The following TEX50 variants were observed in gnomAD, a reference collection of about 807,000 sequenced individuals.
TEX50 encodes the protein testis expressed 50.
TEX50 carries 3 observed loss-of-function variants against 9.8 expected under a neutral mutation model. The observed-to-expected ratio is 0.31, with a 90% CI of 0.14 to 0.79. TEX50 has a LOEUF of 0.79. TEX50 is among the 30% of genes least tolerant of loss of function. The pLI is 0.63. For missense variants in TEX50, 164 were observed against 199.3 expected, an observed-to-expected ratio of 0.82 and a Z score of 1.07; for synonymous variants, 61 against 72.1, an observed-to-expected ratio of 0.85 and a Z score of 0.78.
rs1668471231 is a variant in TEX50, at chr1:173,636,904, CCA to C, written c.405_406del (p.His135GlnfsTer23). ...TGATCAACAACATTGACCAAACACTCCACAGAGTGGCAACCACAGCATCAGTG... is the reference window on the plus strand; with the variant it reads ...TGATCAACAACATTGACCAAACACTCCAGAGTGGCAACCACAGCATCAGTG... ...PLINNIDQTL[H>X]RVATTASVIY... On this transcript the variant is annotated frameshift_variant, in exon 2 of 2. Transcript: ENST00000417563. LOFTEE classifies it low-confidence loss of function (END_TRUNC). The C allele has an allele frequency of 6.5e-7, 1 of 1,535,712 alleles. No individual in the cohort carries two copies.
At chr1:173,635,945 C>A in intron 1 of TEX50, 100 bp downstream of exon 1, 1 of 880,840 alleles carries the variant, frequency 1.1e-6, no homozygotes, top group Non-Finnish European at 1.7e-6. Flanking sequence ...TTTTATTCCT[C>A]ATTGTAACCT....
rs758158759 is a variant in TEX50 at position 173,635,882 on chromosome 1, C to A, written c.324+37C>A. On this transcript the variant is annotated intron_variant, in intron 1 of 1. Transcript: ENST00000417563. ...ATACAAGTAGTAATAGTTACAAAAT[C>A]TCTAAGGGTTTAGAACATAATATTA... The A allele has an allele frequency of 3.6e-6, 5 of 1,406,498 alleles. No homozygotes were observed. The South Asian group carries it at 6.6e-5, about 19-fold the overall frequency. 87.1% of individuals were successfully genotyped at this position (1,406,498 alleles called of 1,614,324 possible).
intron 1 of TEX50, among the ~76,000 whole-genome samples, chr1:173,636,311 C>T (rs1163756610): frequency 6.6e-6 from 1 of 152,176 alleles, no homozygotes; most frequent in Non-Finnish European, 1.5e-5. Flanking sequence ...ATTAGAACAA[C>T]TTTCTGAGAA....
chr1:173,636,059 C>T (rs6666475), intron 1 of TEX50, among the ~76,000 whole-genome samples: 25,846 of 152,030 alleles, frequency 0.17, 7,313 homozygotes, highest in African/African-American at 0.59. Context: ...AATCATCTAG[C>T]CCCCTCTACT....
rs1668382186 is a variant in TEX50, at chr1:173,635,385, C to T, written c.-137C>T. 1.4e-6 allele frequency: 1 copy of T among 697,806 alleles called. No individual in the cohort carries two copies. The highest frequency in any genetic ancestry group is 2.3e-6 in the Non-Finnish European group (1 of 432,276). The allele number at this position is 697,806 out of a possible 1,614,324, so 43.2% of individuals were successfully genotyped here. ...TATATGAAGTGCTTTTATTGAAGCACCATTTTAACTAATAGCTCCTGGTAT... is the reference window on the plus strand; with the variant it reads ...TATATGAAGTGCTTTTATTGAAGCATCATTTTAACTAATAGCTCCTGGTAT... On this transcript the variant is annotated 5_prime_UTR_variant, in exon 1 of 2. Transcript: ENST00000417563.
chr1:173,637,109 A>C lies in TEX50; in HGVS notation c.*73A>C. On this transcript the variant is annotated 3_prime_UTR_variant, in exon 2 of 2. Coordinates refer to ENST00000417563, the MANE Select transcript of TEX50 (RefSeq NM_001195190.3). ...AGAAATCTATCATCTAAGGATTAAA[A>C]ATTGTTCTTTGGAAACCTTTATAAA... 1.8e-6 allele frequency: 2 copies of C among 1,137,540 alleles called. No individual in the cohort carries two copies. The highest frequency in any genetic ancestry group is 2.5e-6 in the Non-Finnish European group (2 of 815,744). 70.5% of individuals were successfully genotyped at this position (1,137,540 alleles called of 1,614,324 possible). A position where few individuals can be genotyped will look rare whatever the true frequency, so the allele number is the denominator to read the frequency against.
intron 1 of TEX50, among the ~76,000 whole-genome samples, chr1:173,636,099 G>A (rs1337435710): frequency 6.6e-6 from 1 of 152,090 alleles, no homozygotes; most frequent in Non-Finnish European, 1.5e-5. Flanking sequence ...AAAAAAAGTA[G>A]TGTGCTACCA....
In TEX50 at chr1:173,635,564, A is replaced by G; in HGVS notation, c.43A>G (p.Ile15Val). 1 of 1,534,862 alleles carries G rather than the reference A, an allele frequency of 6.5e-7. No individual in the cohort carries two copies. Among genetic ancestry groups the G allele is most frequent in the Middle Eastern group, 1.7e-4 (1 of 5,982 alleles). ...ACCGCTGATTTTTTCTCTGTTGTTT[A>G]TCTGCTTCTTCGGGGAGAGTTTCTG... Reference protein sequence around the residue: ...RLPLIFSLLFICFFGESFCIC... With the variant: ...RLPLIFSLLFVCFFGESFCIC... The change falls in exon 1 of 2, where the codon ATC becomes GTC. Residue 15 changes from isoleucine (I) to valine (V), a missense_variant. Around this residue, in one of 3 missense-constraint regions of TEX50, gnomAD observed 24 missense variants for 22.0 expected, o/e 1.09. Coordinates refer to ENST00000417563, the MANE Select transcript of TEX50 (RefSeq NM_001195190.3).
At chr1:173,636,260 T>C (rs528038015) in intron 1 of TEX50, among the ~76,000 whole-genome samples, 7 of 152,166 alleles carry the variant, frequency 4.6e-5, no homozygotes, top group South Asian at 4.1e-4. Context: ...GTACAAAAGG[T>C]GTCATGTAAT....
At chr1:173,636,785 T>C (rs1227157790) in intron 1 of TEX50, 42 bp from the exon 2 acceptor site, 1 of 1,378,910 alleles carries the variant, frequency 7.3e-7, no homozygotes, top group Admixed American at 2.0e-5. Flanking sequence ...TGAACTCTAC[T>C]GTTTTATGTA....
Position 173,636,928 on chromosome 1 carries a change from A to T in TEX50, c.426A>T (p.Ser142=). ...TCCACAGAGTGGCAACCACAGCATC[A>T]GTGATATACAAGATCTGGGAGCACA... ...QTLHRVATTA[S]VIYKIWEHRS... Residue 142 remains serine (S), a synonymous_variant, in exon 2 of 2, where the codon TCA becomes TCT. Coordinates refer to ENST00000417563, the MANE Select transcript of TEX50 (RefSeq NM_001195190.3). 6.5e-7 allele frequency: 1 copy of T among 1,535,806 alleles called. No homozygotes were observed. Among genetic ancestry groups the T allele is most frequent in the Non-Finnish European group, 8.7e-7 (1 of 1,146,676 alleles).
At chr1:173,636,684 A>T (rs1300203523) in intron 1 of TEX50, 143 bp from the exon 2 acceptor site, 1 of 642,588 alleles carries the variant, frequency 1.6e-6, no homozygotes, top group Admixed American at 3.1e-5. Flanking sequence ...CTTTAGTATA[A>T]ATAATTGATG....
intron 1 of TEX50, 29 bp downstream of exon 1, chr1:173,635,874 T>TA: frequency 6.9e-7 from 1 of 1,441,172 alleles, no homozygotes. Flanking sequence ...TAGTAATAGT[T>TA]ACAAAATCTC....
intron 1 of TEX50, 42 bp downstream of exon 1, chr1:173,635,887 A>T: frequency 7.2e-7 from 1 of 1,380,630 alleles, no homozygotes; most frequent in East Asian, 2.5e-5. Flanking sequence ...AAAATCTCTA[A>T]GGGTTTAGAA....
In TEX50 at chr1:173,636,855, C is replaced by T; in HGVS notation, c.353C>T (p.Pro118Leu). ...KLKKQASLEK[P>L]GNDLESPLIN... is the part of the protein sequence containing the mutation. ...AAAAAGCAAGCCTCCTTAGAAAAAC[C>T]TGGTAATGATCTAGAAAGCCCATTG... Residue 118 changes from proline to leucine, a missense_variant, in exon 2 of 2, where the codon CCT (proline) becomes CTT (leucine). Around this residue, in one of 3 missense-constraint regions of TEX50, gnomAD observed 135 missense variants for 154.2 expected, o/e 0.88. Transcript: ENST00000417563. 6.5e-7 allele frequency: 1 copy of T among 1,535,546 alleles called. No individual in the cohort carries two copies. The highest frequency in any genetic ancestry group is 8.7e-7 in the Non-Finnish European group (1 of 1,146,670).
chr1:173,635,459 G>C lies in TEX50; in HGVS notation c.-63G>C. 1 of 1,100,580 alleles carries C rather than the reference G, an allele frequency of 9.1e-7. No homozygotes were observed. The highest frequency in any genetic ancestry group is 1.3e-6 in the Non-Finnish European group (1 of 792,178). 68.2% of individuals were successfully genotyped at this position (1,100,580 alleles called of 1,614,324 possible). On this transcript the variant is annotated 5_prime_UTR_variant, in exon 1 of 2. Coordinates refer to ENST00000417563, the MANE Select transcript of TEX50 (RefSeq NM_001195190.3). ...TTTAGTTATTTTATTTTATTATTTA[G>C]CTAATTTAGCTATTTTAAAATAGCT...
In TEX50 at chr1:173,636,985, G is replaced by A. The variant is rs1668475594; in HGVS notation, c.483G>A (p.Lys161=). 1.3e-6 allele frequency: 2 copies of A among 1,535,470 alleles called. No homozygotes were observed. Among genetic ancestry groups the A allele is most frequent in the South Asian group, 1.2e-5 (1 of 84,048 alleles). The change falls in exon 2 of 2, where the codon AAG becomes AAA. Residue 161 remains lysine (K), a synonymous_variant. Transcript: ENST00000417563. ...ACCATCCTTCCTCTAAGAAAATTAAGCACTGCAAATTAAAGAAGAAGAGTA... is the reference window on the plus strand; with the variant it reads ...ACCATCCTTCCTCTAAGAAAATTAAACACTGCAAATTAAAGAAGAAGAGTA... ...RSHHPSSKKI[K]HCKLKKKSKE...
At position 173,637,051 on chromosome 1, in the gene TEX50, A is replaced by C; in HGVS notation, c.*15A>C. On this transcript the variant is annotated 3_prime_UTR_variant, in exon 2 of 2. Transcript: ENST00000417563. The stretch of plus-strand genomic sequence containing the variant: ...GAAGATACTAAATAAATGCATATGC[A>C]AATGTAGCTTAGTCAATTATAGATA... The C allele has an allele frequency of 1.4e-6, 2 of 1,432,962 alleles. No individual in the cohort carries two copies. The highest frequency in any genetic ancestry group is 1.9e-6 in the Non-Finnish European group (2 of 1,054,986). The allele number at this position is 1,432,962 out of a possible 1,614,324, so 88.8% of individuals were successfully genotyped here.
chr1:173,635,853 C>T lies in TEX50; in HGVS notation c.324+8C>T, dbSNP rs577259261. 74 of 1,512,648 alleles carry T rather than the reference C, an allele frequency of 4.9e-5. No homozygotes were observed. The highest frequency in any genetic ancestry group is 2.6e-4 in the African/African-American group (19 of 72,312). 93.7% of individuals were successfully genotyped at this position (1,512,648 alleles called of 1,614,324 possible). A position where few individuals can be genotyped will look rare whatever the true frequency, so the allele number is the denominator to read the frequency against. Reference sequence around the variant, plus strand: ...AAGAAACACCAAAAAAAGGTGAATTCGTGATACAAGTAGTAATAGTTACAA... The same window carrying T: ...AAGAAACACCAAAAAAAGGTGAATTTGTGATACAAGTAGTAATAGTTACAA... On this transcript the variant is annotated splice_region_variant and intron_variant, in intron 1 of 1. Coordinates refer to ENST00000417563, the MANE Select transcript of TEX50 (RefSeq NM_001195190.3).
Sources: allele counts gnomAD v4.1 joint callset (sites outside exome capture counted in the v4.1 genomes callset), GRCh38; gene constraint gnomAD v4.1.1; regional missense constraint gnomAD v4.1.1; transcripts MANE v1.5; gene names NCBI Gene and HGNC (gene_info 2026-07-23, HGNC 2026-07-21).